WDFY4: variants seen among roughly 807,000 people sequenced by gnomAD.
The protein encoded by WDFY4 is WDFY family member 4, also known as WD repeat- and FYVE domain-containing protein 4.
Under a neutral mutation model 351.9 loss-of-function variants are expected in WDFY4, and 169 were observed. That is an observed-to-expected ratio of 0.48 (90% confidence interval 0.42 to 0.55). The LOEUF is 0.55. Among genes scored for constraint, WDFY4 ranks in the 20% least tolerant of loss-of-function variants. The probability of loss-of-function intolerance (pLI) is 0.00; values close to 1 mark genes in which losing one functional copy is unlikely to be tolerated. For synonymous variants in WDFY4, 1,622 were observed against 1,574.6 expected, an observed-to-expected ratio of 1.03 and a Z score of -0.71; for missense variants, 3,803 against 3,935.6, an observed-to-expected ratio of 0.97 and a Z score of 0.90.
At chr10:48,853,296 G>C (rs369886242) in intron 39 of WDFY4, among the ~76,000 whole-genome samples, 2 of 152,172 alleles carry the variant, frequency 1.3e-5, no homozygotes, top group South Asian at 4.2e-4. Context: ...GAGATATCCC[G>C]CTGTGCCACT....
intron 47 of WDFY4, 139 bp downstream of exon 47, chr10:48,902,002 T>A: frequency 1.3e-6 from 1 of 777,318 alleles, no homozygotes; most frequent in Non-Finnish European, 2.1e-6. Context: ...CCTATTCCTA[T>A]ACATCCTTCA....
intron 12 of WDFY4, 50 bp from the exon 13 acceptor site, chr10:48,760,297 A>G: frequency 6.6e-7 from 1 of 1,504,584 alleles, no homozygotes; most frequent in Non-Finnish European, 9.0e-7. Context: ...TGAAAATAGA[A>G]AGAAACTGGA....
At position 48,820,233 on chromosome 10, in the gene WDFY4, G is replaced by A; in HGVS notation, c.5506-1G>A. The A allele has an allele frequency of 6.4e-7, 1 of 1,551,676 alleles. No individual in the cohort carries two copies. The highest frequency in any genetic ancestry group is 8.7e-7 in the Non-Finnish European group (1 of 1,146,964). On this transcript the variant is annotated splice_acceptor_variant, in intron 32 of 61. Transcript: ENST00000325239. LOFTEE classifies it high-confidence loss of function. ...CATGTTGGGGTTCTCTTGTCTTTGA[G>A]GGGGTTGGGGCTGAGTCCACCCGGA...
chr10:48,899,410 T>A (rs1227959490), intron 45 of WDFY4, among the ~76,000 whole-genome samples: 2 of 152,156 alleles, frequency 1.3e-5, no homozygotes, highest in Non-Finnish European at 1.5e-5. Flanking sequence ...AGAACTCACT[T>A]CCAGCCAGGT....
chr10:48,789,537 C>T (rs1480079816), intron 21 of WDFY4, among the ~76,000 whole-genome samples: 4 of 152,190 alleles, frequency 2.6e-5, no homozygotes, highest in African/African-American at 9.7e-5. Flanking sequence ...AAGGTGGCAG[C>T]CCTCACCTTG....
chr10:48,719,864 G>A (rs2064022712), intron 2 of WDFY4, 147 bp from the exon 3 acceptor site: 1 of 655,498 alleles, frequency 1.5e-6, no homozygotes, highest in East Asian at 2.8e-5. Context: ...GAGGCTGTGA[G>A]GGTGGGTGAC....
chr10:48,809,619 T>C (rs1432183047), intron 28 of WDFY4, among the ~76,000 whole-genome samples: 3 of 151,156 alleles, frequency 2.0e-5, no homozygotes, highest in Non-Finnish European at 4.4e-5. Flanking sequence ...ACCACCACCA[T>C]CATCATCATC....
At chr10:48,699,554 C>T (rs532097959) in intron 1 of WDFY4, among the ~76,000 whole-genome samples, 2 of 152,250 alleles carry the variant, frequency 1.3e-5, no homozygotes, top group South Asian at 4.2e-4. Context: ...CAGATCTGGA[C>T]CTCAGTGAGT....
chr10:48,966,940 C>A (rs1382689608), intron 55 of WDFY4: 1 of 465,196 alleles, frequency 2.1e-6, no homozygotes, highest in East Asian at 3.6e-5. Context: ...CACACAGACA[C>A]CTCTTTCAGG....
intron 39 of WDFY4, among the ~76,000 whole-genome samples, chr10:48,851,146 T>C (rs2068943405): frequency 6.6e-6 from 1 of 152,184 alleles, no homozygotes; most frequent in African/African-American, 2.4e-5. Flanking sequence ...GAGACTGAAA[T>C]CCAGACTTTG....
intron 35 of WDFY4, among the ~76,000 whole-genome samples, chr10:48,825,335 A>G (rs1336640472): frequency 6.6e-6 from 1 of 152,184 alleles, no homozygotes; most frequent in Non-Finnish European, 1.5e-5. Flanking sequence ...TATATACACC[A>G]TATTTTCTTT....
intron 45 of WDFY4, among the ~76,000 whole-genome samples, chr10:48,898,807 G>A (rs572040532): frequency 1.6e-4 from 24 of 152,294 alleles, no homozygotes; most frequent in South Asian, 1.5e-3. Flanking sequence ...CAGAGTGGAA[G>A]TAGCAGCCCT....
chr10:48,720,173 C>T (rs1366729766), intron 3 of WDFY4, 48 bp downstream of exon 3: 5 of 1,519,072 alleles, frequency 3.3e-6, no homozygotes, highest in African/African-American at 1.4e-5. Flanking sequence ...AGCAGTGCAG[C>T]CCTGCATGCC....
intron 40 of WDFY4, among the ~76,000 whole-genome samples, chr10:48,872,049 T>C (rs367965027): frequency 9.8e-5 from 15 of 152,324 alleles, no homozygotes; most frequent in East Asian, 9.6e-4. Context: ...ATCCTCCAGA[T>C]TGAACTGCTG....
chr10:48,886,016 G>A (rs958230961), intron 43 of WDFY4, among the ~76,000 whole-genome samples: 2 of 152,194 alleles, frequency 1.3e-5, no homozygotes, highest in African/African-American at 2.4e-5. Flanking sequence ...GTTGAGGCAA[G>A]CAGAGATGTA....
intron 12 of WDFY4, among the ~76,000 whole-genome samples, chr10:48,752,999 G>C (rs758088537): frequency 2.0e-5 from 3 of 152,094 alleles, no homozygotes; most frequent in South Asian, 4.1e-4. Context: ...AATATAAAAG[G>C]TTTTCAATTT....
At chr10:48,974,530 C>CAAA (rs1842479364) in intron 57 of WDFY4, among the ~76,000 whole-genome samples, 1 of 11,088 alleles carries the variant, frequency 9.0e-5, no homozygotes, top group Admixed American at 1.1e-3. Context: ...AAAAAAAAAA[C>CAAA]AACTCATGAC....
At chr10:48,907,217 A>T (rs148876833) in intron 47 of WDFY4, among the ~76,000 whole-genome samples, 141 of 152,320 alleles carry the variant, frequency 9.3e-4, no homozygotes, top group African/African-American at 3.2e-3. Context: ...CCCAGATTTC[A>T]GAAAACTCAG....
At chr10:48,697,998 C>T (rs1424507818) in intron 1 of WDFY4, among the ~76,000 whole-genome samples, 1 of 152,212 alleles carries the variant, frequency 6.6e-6, no homozygotes, top group Admixed American at 6.5e-5. Flanking sequence ...TGGCCCCATG[C>T]ACATTTGTTC....
Sources: gnomAD v4.1 joint callset for allele counts (sites outside exome capture counted in the v4.1 genomes callset) on GRCh38, gnomAD v4.1.1 for gene constraint, MANE v1.5 for transcripts, NCBI Gene and HGNC (gene_info 2026-07-23, HGNC 2026-07-21) for gene names.